Variants in SRRM3 observed in about 807,000 individuals in gnomAD.
SRRM3 encodes the protein serine/arginine repetitive matrix 3.
Under a neutral mutation model 66.2 loss-of-function variants are expected in SRRM3, and 27 were observed. That is an observed-to-expected ratio of 0.41 (90% CI 0.30 to 0.56). The LOEUF (loss-of-function observed/expected upper bound fraction) is 0.56, where lower values mean the gene tolerates loss of function less well. Among genes scored for constraint, SRRM3 ranks in the 20% least tolerant of loss-of-function variants. The pLI is 0.32. For synonymous variants in SRRM3, 391 were observed against 414.9 expected (o/e 0.94, Z 0.70); for missense variants, 918 against 991.9 (o/e 0.93, Z 1.00).
chr7:76,206,489 C>T (rs561488688), intron 1 of SRRM3, among the ~76,000 whole-genome samples: 17 of 152,312 alleles, frequency 1.1e-4, no homozygotes, highest in African/African-American at 3.6e-4. Context: ...TAGGCCTTCA[C>T]TGTGGCTTAG....
chr7:76,249,011 T>C (rs1413748627), intron 3 of SRRM3, among the ~76,000 whole-genome samples: 1 of 151,654 alleles, frequency 6.6e-6, no homozygotes, highest in Non-Finnish European at 1.5e-5. Context: ...TCAAATAAAA[T>C]TCAGAGTAAG....
At chr7:76,221,056 CTT>C (rs561559244) in intron 1 of SRRM3, among the ~76,000 whole-genome samples, 24 of 138,118 alleles carry the variant, frequency 1.7e-4, no homozygotes, top group Admixed American at 3.7e-4. Flanking sequence ...TCTTACCCGT[CTT>C]TTTTTTTTTT....
intron 11 of SRRM3, among the ~76,000 whole-genome samples, chr7:76,275,476 G>T (rs374670204): frequency 6.9e-6 from 1 of 144,030 alleles, no homozygotes; most frequent in Non-Finnish European, 1.5e-5. Context: ...GCAACAGAGC[G>T]AGACTCAGTC....
At chr7:76,269,320 T>A (rs1554610199) in intron 11 of SRRM3, 1 of 152,138 alleles carries the variant, frequency 6.6e-6, no homozygotes, top group Admixed American at 6.6e-5. Flanking sequence ...CTTGGGGCCC[T>A]GGGAGATCTG....
At chr7:76,267,545 G>A in intron 11 of SRRM3, 110 bp downstream of exon 11, 1 of 419,998 alleles carries the variant, frequency 2.4e-6, no homozygotes, top group Non-Finnish European at 3.6e-6. Context: ...GGGGGCGGGG[G>A]CGGGGGCGGC....
At chr7:76,258,712 T>A (rs1801777304) in intron 3 of SRRM3, among the ~76,000 whole-genome samples, 1 of 38,438 alleles carries the variant, frequency 2.6e-5, no homozygotes. Context: ...AGACTCCATC[T>A]CAAAAAAAAA....
rs1170552803 is a variant in SRRM3, at chr7:76,281,780, G to C, written c.1348G>C (p.Gly450Arg). 1.4e-6 allele frequency: 2 copies of C among 1,385,150 alleles called. No individual in the cohort carries two copies. Among genetic ancestry groups the C allele is most frequent in the Non-Finnish European group, 9.3e-7 (1 of 1,069,688 alleles). 85.8% of individuals were successfully genotyped at this position (1,385,150 alleles called of 1,614,324 possible). Residue 450 changes from glycine (G) to arginine (R), a missense_variant, in exon 12 of 15, where the codon GGC becomes CGC. Transcript: ENST00000611745. ...GPGPEPGSER[G>R]HGGHGKRAKE... The stretch of plus-strand genomic sequence containing the variant: ...CGGGCCCGAGCCCGGCTCTGAGCGA[G>C]GCCACGGCGGACACGGGAAACGGTG...
At position 76,285,621 on chromosome 7, in the gene SRRM3, C is replaced by A. The variant is rs1554612652; in HGVS notation, c.1740C>A (p.Arg580=). ...AGCTTTTTCTTCCCGGCAGCGCCCG[C>A]AAGCGTCCTATTCCATACTACCGGC... ...FMEPRRITSA[R]KRPIPYYRPS... is the part of the protein sequence containing the mutation. The change falls in exon 15 of 15, where the codon CGC becomes CGA. Residue 580 remains arginine, a synonymous_variant. Transcript: ENST00000611745. The surrounding 1 kb of genome is among the most constrained non-coding windows in gnomAD (Gnocchi z 4.1). 2 of 1,549,394 alleles carry A rather than the reference C, an allele frequency of 1.3e-6. No individual in the cohort carries two copies. Among genetic ancestry groups the A allele is most frequent in the South Asian group, 2.4e-5 (2 of 83,988 alleles).
chr7:76,209,401 G>T (rs146753553), intron 1 of SRRM3, among the ~76,000 whole-genome samples: 2 of 152,148 alleles, frequency 1.3e-5, no homozygotes, highest in Non-Finnish European at 2.9e-5. Flanking sequence ...ATTTCAGTTG[G>T]GCCTCAAAGA....
intron 11 of SRRM3, 48 bp from the exon 12 acceptor site, chr7:76,281,393 C>G (rs1428647673): frequency 1.7e-6 from 2 of 1,183,980 alleles, no homozygotes; most frequent in African/African-American, 3.2e-5. Context: ...CTGTCTCTCT[C>G]GTCTCCCTCT....
chr7:76,231,939 T>C (rs1583887579), intron 1 of SRRM3, among the ~76,000 whole-genome samples: 1 of 152,042 alleles, frequency 6.6e-6, no homozygotes, highest in African/African-American at 2.4e-5. Flanking sequence ...AGTAAGGGCA[T>C]GCATTTGGGG....
intron 1 of SRRM3, among the ~76,000 whole-genome samples, chr7:76,230,861 G>A (rs1030147906): frequency 2.0e-5 from 3 of 150,294 alleles, no homozygotes; most frequent in Non-Finnish European, 2.9e-5. Context: ...AGCGATTCTC[G>A]TGCCTCAGCC....
intron 11 of SRRM3, among the ~76,000 whole-genome samples, chr7:76,272,387 C>T (rs1802234918): frequency 6.8e-6 from 1 of 146,386 alleles, no homozygotes; most frequent in African/African-American, 2.4e-5. Flanking sequence ...ATAGCAAGAC[C>T]CCTATCTCTA....
intron 2 of SRRM3, among the ~76,000 whole-genome samples, chr7:76,244,472 C>T (rs6978255): frequency 0.23 from 34,399 of 148,824 alleles, 4,306 homozygotes; most frequent in East Asian, 0.45. Context: ...TGCAGTGAGC[C>T]GAGATTGTGC....
intron 1 of SRRM3, among the ~76,000 whole-genome samples, chr7:76,204,949 G>A (rs921784381): frequency 6.6e-6 from 1 of 152,000 alleles, no homozygotes; most frequent in African/African-American, 2.4e-5. Context: ...TCTGAACATC[G>A]CTTCTCCCAG....
chr7:76,257,048 G>C (rs1801730986), intron 3 of SRRM3, among the ~76,000 whole-genome samples: 1 of 152,054 alleles, frequency 6.6e-6, no homozygotes, highest in Non-Finnish European at 1.5e-5. Context: ...TTATCAGCGA[G>C]GTCTTTATGA....
intron 1 of SRRM3, among the ~76,000 whole-genome samples, chr7:76,225,440 G>A (rs59248317): frequency 6.6e-6 from 1 of 151,942 alleles, no homozygotes; most frequent in Non-Finnish European, 1.5e-5. Context: ...GGAAAAAAAA[G>A]CCCCTAGAGG....
Position 76,285,572 on chromosome 7 carries a change from C to T in SRRM3, c.1734-43C>T, listed in dbSNP as rs782269174. The T allele has an allele frequency of 4.0e-6, 6 of 1,503,864 alleles. No individual in the cohort carries two copies. Among genetic ancestry groups the T allele is most frequent in the South Asian group, 3.7e-5 (3 of 80,426 alleles). 93.2% of individuals were successfully genotyped at this position (1,503,864 alleles called of 1,614,324 possible). ...CCCTGGCCGCTGCTGGGATGGGGCT[C>T]GGGGCCTGGGATGGCCTGTAATCAG... On this transcript the variant is annotated intron_variant, in intron 14 of 14. Transcript: ENST00000611745. The surrounding 1 kb of genome is among the most constrained non-coding windows in gnomAD (Gnocchi z 4.1).
intron 9 of SRRM3, 147 bp downstream of exon 9, chr7:76,264,962 G>T: frequency 5.3e-6 from 5 of 945,974 alleles, no homozygotes; most frequent in African/African-American, 1.7e-5. Context: ...AAAGCCAAGG[G>T]CTCTTGCTGA....
Sources: allele counts gnomAD v4.1 joint callset (sites outside exome capture counted in the v4.1 genomes callset), GRCh38; gene constraint gnomAD v4.1.1; non-coding constraint Gnocchi (gnomAD v3.1); transcripts MANE v1.5; gene names NCBI Gene and HGNC (gene_info 2026-07-23, HGNC 2026-07-21).